Variants in TAS2R1 observed in about 807,000 individuals in gnomAD.
The protein encoded by TAS2R1 is taste receptor type 2 member 1.
For synonymous variants in TAS2R1, 141 were observed against 134.2 expected, an observed-to-expected ratio of 1.05 and a Z score of -0.35; for missense variants, 370 against 353.4, an observed-to-expected ratio of 1.05 and a Z score of -0.38.
At chr5:9,650,987 G>C (rs1278020177) in intron 2 of TAS2R1, among the ~76,000 whole-genome samples, 1 of 152,192 alleles carries the variant, frequency 6.6e-6, no homozygotes, top group Non-Finnish European at 1.5e-5. Context: ...GTCCACCAGA[G>C]AATGCAACCT....
chr5:9,828,085 G>A, the TAS2R1 span, among the ~76,000 whole-genome samples: 2 of 151,854 alleles, frequency 1.3e-5, no homozygotes, highest in African/African-American at 4.8e-5. Flanking sequence ...TCTTTCAAAT[G>A]CTTAGCTCAT....
intron 2 of TAS2R1, among the ~76,000 whole-genome samples, chr5:9,654,648 T>C (rs1740373132): frequency 6.6e-6 from 1 of 152,236 alleles, no homozygotes; most frequent in African/African-American, 2.4e-5. Flanking sequence ...TTATGACCTA[T>C]TTGATGAAGA....
intron 1 of TAS2R1, among the ~76,000 whole-genome samples, chr5:9,663,524 T>C (rs1740576180): frequency 6.6e-6 from 1 of 152,194 alleles, no homozygotes; most frequent in Admixed American, 6.5e-5. Context: ...AATATTTACC[T>C]GAACCCAAAT....
the TAS2R1 span, among the ~76,000 whole-genome samples, chr5:9,763,876 G>A: frequency 1.3e-5 from 2 of 152,188 alleles, no homozygotes; most frequent in African/African-American, 4.8e-5. Context: ...CAATCCAACA[G>A]AGCATCGTTT....
the TAS2R1 span, among the ~76,000 whole-genome samples, chr5:9,766,126 T>G: frequency 6.6e-6 from 1 of 152,202 alleles, no homozygotes; most frequent in Non-Finnish European, 1.5e-5. Context: ...GATCTTGTAA[T>G]GCATTTTTAA....
chr5:9,873,868 C>T, the TAS2R1 span, among the ~76,000 whole-genome samples: 508 of 87,370 alleles, frequency 5.8e-3, 2 homozygotes, highest in Non-Finnish European at 8.7e-3. Context: ...GACTCTGTCT[C>T]GGGGAAAAAA....
the TAS2R1 span, among the ~76,000 whole-genome samples, chr5:9,894,011 T>C: frequency 2.6e-5 from 4 of 152,188 alleles, no homozygotes; most frequent in African/African-American, 9.7e-5. Flanking sequence ...TACCTCAGAA[T>C]GTAACTGTGT....
chr5:9,836,132 G>A, the TAS2R1 span, among the ~76,000 whole-genome samples: 1 of 151,900 alleles, frequency 6.6e-6, no homozygotes, highest in East Asian at 2.0e-4. Context: ...TTCCCTGAAC[G>A]AGTTCTCTTC....
At chr5:9,834,749 G>C in the TAS2R1 span, among the ~76,000 whole-genome samples, 1 of 97,864 alleles carries the variant, frequency 1.0e-5, no homozygotes, top group African/African-American at 5.0e-5. Flanking sequence ...TGTTATTACT[G>C]CATTAAAAAA....
At chr5:9,747,132 T>C in the TAS2R1 span, among the ~76,000 whole-genome samples, 2 of 152,274 alleles carry the variant, frequency 1.3e-5, no homozygotes, top group Non-Finnish European at 1.5e-5. Flanking sequence ...AGATGGTGGA[T>C]ATTAACCAAG....
the TAS2R1 span, among the ~76,000 whole-genome samples, chr5:9,893,209 T>C: frequency 2.5e-5 from 2 of 79,576 alleles, no homozygotes; most frequent in Non-Finnish European, 4.8e-5. Context: ...TTGCCCCAGC[T>C]TTTTTTTTTT....
At chr5:9,789,603 A>T in the TAS2R1 span, among the ~76,000 whole-genome samples, 1 of 152,236 alleles carries the variant, frequency 6.6e-6, no homozygotes, top group Non-Finnish European at 1.5e-5. Context: ...GGATCCCTCC[A>T]TGACAGCCTG....
the TAS2R1 span, among the ~76,000 whole-genome samples, chr5:9,769,790 G>A: frequency 7.2e-5 from 11 of 152,174 alleles, no homozygotes; most frequent in Non-Finnish European, 1.0e-4. Flanking sequence ...AGTTGTTTGA[G>A]CTCCTTGTAT....
the TAS2R1 span, among the ~76,000 whole-genome samples, chr5:9,795,940 C>T: frequency 6.6e-5 from 10 of 152,254 alleles, no homozygotes; most frequent in South Asian, 4.1e-4. Context: ...TCAACCACCC[C>T]AGACATTTCC....
intron 2 of TAS2R1, among the ~76,000 whole-genome samples, chr5:9,657,534 G>A (rs989339874): frequency 1.3e-5 from 2 of 152,160 alleles, no homozygotes; most frequent in Non-Finnish European, 2.9e-5. Context: ...AAAACTGACA[G>A]GTGTGGTGTG....
chr5:9,682,218 G>A (rs1741008078), intron 1 of TAS2R1, among the ~76,000 whole-genome samples: 1 of 152,168 alleles, frequency 6.6e-6, no homozygotes, highest in Non-Finnish European at 1.5e-5. Context: ...ACAGTCAAGG[G>A]TCAGAAAGAT....
intron 1 of TAS2R1, among the ~76,000 whole-genome samples, chr5:9,673,937 A>G (rs1740819450): frequency 6.6e-6 from 1 of 151,990 alleles, no homozygotes; most frequent in African/African-American, 2.4e-5. Context: ...GCACCCACCC[A>G]TTGGCTCCCA....
the TAS2R1 span, among the ~76,000 whole-genome samples, chr5:9,888,049 C>A: frequency 2.0e-5 from 3 of 152,080 alleles, no homozygotes; most frequent in Non-Finnish European, 2.9e-5. Flanking sequence ...GGGAGGCAGG[C>A]AGCTACCGAA....
At chr5:9,656,326 G>A (rs1478071718) in intron 2 of TAS2R1, among the ~76,000 whole-genome samples, 2 of 152,206 alleles carry the variant, frequency 1.3e-5, no homozygotes, top group Non-Finnish European at 2.9e-5. Context: ...TGAAGATGTA[G>A]TAGATGGAGT....
Sources: gnomAD v4.1 joint callset for allele counts (sites outside exome capture counted in the v4.1 genomes callset) on GRCh38, gnomAD v4.1.1 for gene constraint, MANE v1.5 for transcripts, NCBI Gene and HGNC (gene_info 2026-07-23, HGNC 2026-07-21) for gene names.